DNAH12: variants seen among roughly 807,000 people sequenced by gnomAD.
The protein encoded by DNAH12 is axonemal beta dynein heavy chain 12.
In DNAH12, 285 loss-of-function variants were observed where a neutral mutation model predicts 371.5. That is an observed-to-expected ratio of 0.77 (90% CI 0.70 to 0.85). The LOEUF is 0.85. Ranked by LOEUF, DNAH12 falls within the 40% of genes least tolerant of loss-of-function variation. DNAH12 has a pLI of 0.00. For synonymous variants in DNAH12, 1,200 were observed against 1,213.0 expected (o/e 0.99, Z 0.22); for missense variants, 3,611 against 3,689.4 (o/e 0.98, Z 0.55).
At chr3:57,331,612 C>T (rs540709468) in intron 62 of DNAH12, among the ~76,000 whole-genome samples, 29 of 152,134 alleles carry the variant, frequency 1.9e-4, no homozygotes, top group Non-Finnish European at 3.2e-4. Flanking sequence ...TGAGACTTTA[C>T]TAAAACGGTA....
chr3:57,539,615 C>CTT (rs11359818), intron 2 of DNAH12, among the ~76,000 whole-genome samples: 5,617 of 128,750 alleles, frequency 0.044, 182 homozygotes, highest in Non-Finnish European at 0.049. Flanking sequence ...TTTCCTTTTC[C>CTT]TTTTTTTTTT....
chr3:57,419,629 C>A, intron 36 of DNAH12, 111 bp from the exon 37 acceptor site: 1 of 693,012 alleles, frequency 1.4e-6, no homozygotes, highest in Non-Finnish European at 2.0e-6. Context: ...TAAGTCTTCC[C>A]CCTTTTAATG....
intron 63 of DNAH12, 28 bp downstream of exon 63, chr3:57,323,441 C>A: frequency 6.6e-7 from 1 of 1,504,436 alleles, no homozygotes; most frequent in Non-Finnish European, 8.8e-7. Flanking sequence ...TTTATGATTT[C>A]TTAAAAGTTT....
chr3:57,369,463 C>T (rs1325626732), intron 55 of DNAH12, among the ~76,000 whole-genome samples: 1 of 151,342 alleles, frequency 6.6e-6, no homozygotes, highest in Non-Finnish European at 1.5e-5. Context: ...CTAAAATCCC[C>T]TTTCCCTATG....
chr3:57,350,535 G>A (rs2062648105), intron 60 of DNAH12, among the ~76,000 whole-genome samples: 4 of 152,124 alleles, frequency 2.6e-5, no homozygotes. Context: ...AGTTGCATGT[G>A]GCTTGTACAT....
At chr3:57,313,121 G>A (rs1207425995) in intron 66 of DNAH12, among the ~76,000 whole-genome samples, 2 of 152,154 alleles carry the variant, frequency 1.3e-5, no homozygotes, top group Non-Finnish European at 2.9e-5. Flanking sequence ...TGTGTGAAAG[G>A]CCAGCTACTC....
chr3:57,346,537 T>TAACAAC lies in DNAH12; in HGVS notation c.9674+5542_9674+5547dup, dbSNP rs36111680. Among the ~76,000 whole-genome samples, 4 of 151,562 alleles carry TAACAAC rather than the reference T, an allele frequency of 2.6e-5. No homozygotes were observed. The East Asian group carries it at 7.8e-4, about 29-fold the overall frequency. ...ACAGAAAAATAGAAGAGGAAAACAG[T>TAACAAC]AACAACAACAACAGAACAAGGGCAA... On this transcript the variant is annotated intron_variant, in intron 60 of 73. Coordinates refer to ENST00000495027, the MANE Select transcript of DNAH12 (RefSeq NM_001366028.2).
intron 60 of DNAH12, among the ~76,000 whole-genome samples, chr3:57,351,193 C>T (rs201716352): frequency 5.9e-5 from 9 of 151,888 alleles, no homozygotes; most frequent in Non-Finnish European, 8.8e-5. Context: ...CGCTTGAACC[C>T]GGGAGGCGGA....
intron 60 of DNAH12, among the ~76,000 whole-genome samples, chr3:57,341,085 C>A (rs1553655946): frequency 6.6e-6 from 1 of 151,654 alleles, no homozygotes; most frequent in East Asian, 1.9e-4. Flanking sequence ...ATTCAATATC[C>A]CTCATAAAAC....
At chr3:57,421,923 T>TTTTTTTTTTA (rs2064598343) in intron 35 of DNAH12, among the ~76,000 whole-genome samples, 1 of 146,852 alleles carries the variant, frequency 6.8e-6, no homozygotes, top group African/African-American at 2.6e-5. Context: ...TTTTTTTTTT[T>TTTTTTTTTTA]GAGACAGCGC....
chr3:57,357,006 G>A (rs1417312079), intron 59 of DNAH12, among the ~76,000 whole-genome samples, 170 bp downstream of exon 59: 7 of 152,040 alleles, frequency 4.6e-5, no homozygotes, highest in African/African-American at 1.7e-4. Context: ...GCCTCCCAAA[G>A]TGCTGAGATT....
At chr3:57,312,215 G>A (rs2061596579) in intron 66 of DNAH12, among the ~76,000 whole-genome samples, 1 of 152,188 alleles carries the variant, frequency 6.6e-6, no homozygotes, top group African/African-American at 2.4e-5. Flanking sequence ...AAGAGGAAGA[G>A]AGGCGTCAAG....
At chr3:57,374,930 G>C (rs2063251901) in intron 55 of DNAH12, among the ~76,000 whole-genome samples, 1 of 152,102 alleles carries the variant, frequency 6.6e-6, no homozygotes, top group East Asian at 1.9e-4. Context: ...GGATTTACTG[G>C]AAAGGAACAT....
chr3:57,336,921 G>A (rs1553653914), intron 60 of DNAH12, among the ~76,000 whole-genome samples: 1 of 152,114 alleles, frequency 6.6e-6, no homozygotes, highest in African/African-American at 2.4e-5. Context: ...TAATAACCTT[G>A]CATGTAAACA....
At chr3:57,474,383 G>C (rs1267409663) in intron 13 of DNAH12, among the ~76,000 whole-genome samples, 1 of 151,972 alleles carries the variant, frequency 6.6e-6, no homozygotes, top group Non-Finnish European at 1.5e-5. Flanking sequence ...TGCAACCTCC[G>C]CCTCCCAGGT....
intron 62 of DNAH12, among the ~76,000 whole-genome samples, chr3:57,327,983 C>A (rs1266674259): frequency 1.3e-5 from 2 of 151,804 alleles, no homozygotes; most frequent in Non-Finnish European, 2.9e-5. Context: ...AATTCCTCGA[C>A]ACATACACTC....
chr3:57,403,110 A>G (rs1233735927), intron 43 of DNAH12, among the ~76,000 whole-genome samples, 199 bp downstream of exon 43: 2 of 152,176 alleles, frequency 1.3e-5, no homozygotes, highest in Non-Finnish European at 2.9e-5. Context: ...ATAGAATGAG[A>G]TCATGTAGGT....
intron 62 of DNAH12, among the ~76,000 whole-genome samples, chr3:57,332,478 T>C (rs1050663277): frequency 2.6e-5 from 4 of 152,172 alleles, no homozygotes; most frequent in Admixed American, 6.5e-5. Context: ...TATAGGACTG[T>C]GATCACTGAG....
rs1220632097 is a variant in DNAH12, at chr3:57,499,630, C to CAAA, written c.1335+1688_1335+1690dup. Reference sequence around the variant, plus strand: ...GAAACATAAGGAGACACCATCTCTACAAAAAAAAAAAAAAAAAATATATAT... The same window carrying CAAA: ...GAAACATAAGGAGACACCATCTCTACAAAAAAAAAAAAAAAAAAAAATATATAT... On this transcript the variant is annotated intron_variant, in intron 11 of 73. Transcript: ENST00000495027. Among the ~76,000 whole-genome samples, 39 of 14,888 alleles carry CAAA rather than the reference C, an allele frequency of 2.6e-3. 2 individuals carry two copies. Among genetic ancestry groups the CAAA allele is most frequent in the East Asian group, 7.9e-3 (7 of 886 alleles). 9.8% of individuals were successfully genotyped at this position (14,888 alleles called of 152,430 possible).
Sources: allele counts gnomAD v4.1 joint callset (sites outside exome capture counted in the v4.1 genomes callset), GRCh38; gene constraint gnomAD v4.1.1; transcripts MANE v1.5; gene names NCBI Gene and HGNC (gene_info 2026-07-23, HGNC 2026-07-21).